Variants in AVL9 observed in about 807,000 individuals in gnomAD.
AVL9 encodes late secretory pathway protein AVL9 homolog.
In AVL9, 49 loss-of-function variants were observed where a neutral mutation model predicts 79.2. The observed-to-expected ratio is 0.62, with a 90% CI of 0.49 to 0.79. The LOEUF (loss-of-function observed/expected upper bound fraction) is 0.79. Among genes scored for constraint, AVL9 ranks in the 30% least tolerant of loss-of-function variants. AVL9 has a pLI of 0.00. For missense variants in AVL9, 682 were observed against 776.8 expected (o/e 0.88, Z 1.45); for synonymous variants, 299 against 280.6 (o/e 1.07, Z -0.65).
At chr7:32,515,387 G>T (rs1267008954) in intron 1 of AVL9, among the ~76,000 whole-genome samples, 1 of 152,202 alleles carries the variant, frequency 6.6e-6, no homozygotes, top group Non-Finnish European at 1.5e-5. Flanking sequence ...ACAATTGGCT[G>T]AGAGCTGGGA....
intron 8 of AVL9, among the ~76,000 whole-genome samples, chr7:32,557,444 C>CT (rs1383579006): frequency 6.6e-6 from 1 of 152,124 alleles, no homozygotes; most frequent in Non-Finnish European, 1.5e-5. Flanking sequence ...ACCTTTGTCT[C>CT]TTTTTTTGTT....
intron 3 of AVL9, 105 bp downstream of exon 3, chr7:32,544,884 T>C: frequency 1.3e-6 from 1 of 767,796 alleles, no homozygotes; most frequent in Non-Finnish European, 2.1e-6. Flanking sequence ...TTGTTTTAGA[T>C]TTTTGTATAC....
At chr7:32,535,293 A>G (rs1788847524) in intron 1 of AVL9, 1 of 152,334 alleles carries the variant, frequency 6.6e-6, no homozygotes, top group South Asian at 2.1e-4. Flanking sequence ...ATCAGCTCCA[A>G]CAGACCAAAC....
At chr7:32,548,145 T>TC (rs1327421254) in intron 3 of AVL9, among the ~76,000 whole-genome samples, 1 of 117,558 alleles carries the variant, frequency 8.5e-6, no homozygotes, top group African/African-American at 3.2e-5. Context: ...TTGTCATCTC[T>TC]TTTTTCTTTT....
chr7:32,521,307 T>C (rs1279868236), intron 1 of AVL9, among the ~76,000 whole-genome samples: 1 of 152,188 alleles, frequency 6.6e-6, no homozygotes, highest in Admixed American at 6.5e-5. Context: ...GTTTGGAACT[T>C]CCTAGAGACT....
rs775077677 is a variant in AVL9 at position 32,559,476 on chromosome 7, T to C, written c.1215+12T>C. ...CCATCTTCACAAAGGTAAAGTGTAA[T>C]ATTTTTTATCGAATTCCTTAAAGAA... On this transcript the variant is annotated intron_variant, in intron 10 of 15. Coordinates refer to ENST00000318709, the MANE Select transcript of AVL9 (RefSeq NM_015060.3). 1 of 1,505,910 alleles carries C rather than the reference T, an allele frequency of 6.6e-7. No individual in the cohort carries two copies. Among genetic ancestry groups the C allele is most frequent in the Non-Finnish European group, 8.9e-7 (1 of 1,127,690 alleles). 93.3% of individuals were successfully genotyped at this position (1,505,910 alleles called of 1,614,324 possible).
intron 1 of AVL9, among the ~76,000 whole-genome samples, chr7:32,505,999 T>A (rs1182867199): frequency 6.6e-6 from 1 of 152,182 alleles, no homozygotes; most frequent in Non-Finnish European, 1.5e-5. Flanking sequence ...AATCTCTGCT[T>A]GTTATGAACT....
intron 1 of AVL9, among the ~76,000 whole-genome samples, chr7:32,502,286 A>G (rs1455735561): frequency 6.6e-6 from 1 of 151,798 alleles, no homozygotes; most frequent in Non-Finnish European, 1.5e-5. Flanking sequence ...CACTGGTCAC[A>G]AAAAAGTGAA....
rs567774011 is a variant in AVL9 at position 32,542,385 on chromosome 7, CAAAAAAA to C, written c.94-741_94-735del. ...TGAAACCCTGTCTCTAGTAAAAATA[CAAAAAAA>C]AAAAAAAAAAAAAATTAGCCGAGCG... On this transcript the variant is annotated intron_variant, in intron 1 of 15. Transcript: ENST00000318709. Among the ~76,000 whole-genome samples the C allele has an allele frequency of 2.6e-4, 24 of 90,598 alleles. 1 individual carries two copies. Among genetic ancestry groups the C allele is most frequent in the South Asian group, 1.6e-3 (5 of 3,046 alleles). 59.4% of individuals were successfully genotyped at this position (90,598 alleles called of 152,430 possible).
chr7:32,563,054 CAA>C (rs1790396689), intron 10 of AVL9, among the ~76,000 whole-genome samples: 1 of 152,226 alleles, frequency 6.6e-6, no homozygotes, highest in Non-Finnish European at 1.5e-5. Context: ...GTTTTTGATA[CAA>C]AGTCTTGTTC....
Position 32,558,973 on chromosome 7 carries a change from C to T in AVL9, c.724C>T (p.Arg242Trp), listed in dbSNP as rs779720657. 1.6e-5 allele frequency: 25 copies of T among 1,611,086 alleles called. No homozygotes were observed. Among genetic ancestry groups the T allele is most frequent in the South Asian group, 4.4e-5 (4 of 90,302 alleles). The change falls in exon 10 of 16, where the codon CGG becomes TGG. Residue 242 changes from arginine to tryptophan, a missense_variant. Arg to Trp is a moderately radical substitution (Grantham distance 101). Transcript: ENST00000318709. ...GLSDCSQYRP[R>W]KSMSEDGGLQ... Reference sequence around the variant, plus strand: ...CAGTGACTGTTCTCAGTATAGACCCCGGAAAAGTATGTCTGAAGATGGTGG... The same window carrying T: ...CAGTGACTGTTCTCAGTATAGACCCTGGAAAAGTATGTCTGAAGATGGTGG...
chr7:32,538,596 G>A (rs905090442), intron 1 of AVL9: 2 of 152,062 alleles, frequency 1.3e-5, no homozygotes, highest in Non-Finnish European at 2.9e-5. Flanking sequence ...AGGAGTATTC[G>A]CTTATCTTCC....
In AVL9 at chr7:32,584,655, G is replaced by A. The variant is rs909105711; in HGVS notation, c.*748G>A. ...GAAGCAGTTTAACATGAATGTGTCT[G>A]TAGGGCAATACTTTCAAAGAAGACC... is the stretch of plus-strand genomic sequence containing the variant. On this transcript the variant is annotated 3_prime_UTR_variant, in exon 16 of 16. Transcript: ENST00000318709. The A allele has an allele frequency of 1.3e-5, 2 of 152,052 alleles. No homozygotes were observed. Among genetic ancestry groups the A allele is most frequent in the African/African-American group, 4.8e-5 (2 of 41,374 alleles). 9.4% of individuals were successfully genotyped at this position (152,052 alleles called of 1,614,324 possible).
At chr7:32,500,134 G>A (rs540086409) in intron 1 of AVL9, among the ~76,000 whole-genome samples, 1 of 152,084 alleles carries the variant, frequency 6.6e-6, no homozygotes, top group Non-Finnish European at 1.5e-5. Flanking sequence ...TGGGTCAAAT[G>A]GTATTTCTGG....
intron 1 of AVL9, among the ~76,000 whole-genome samples, chr7:32,509,353 G>A (rs1787551771): frequency 2.0e-5 from 3 of 152,084 alleles, no homozygotes; most frequent in Admixed American, 2.0e-4. Context: ...TATCTATATA[G>A]CAGGGGCCTT....
At chr7:32,513,333 T>A (rs970683786) in intron 1 of AVL9, among the ~76,000 whole-genome samples, 1 of 152,168 alleles carries the variant, frequency 6.6e-6, no homozygotes, top group African/African-American at 2.4e-5. Flanking sequence ...CTTGCTTCAT[T>A]ATACCCTTCC....
intron 1 of AVL9, among the ~76,000 whole-genome samples, chr7:32,520,313 A>G (rs1369966983): frequency 6.6e-6 from 1 of 152,190 alleles, no homozygotes; most frequent in African/African-American, 2.4e-5. Context: ...AGAAATCTCT[A>G]ATGGATTGTA....
chr7:32,531,562 A>G (rs1379754869), intron 1 of AVL9: 1 of 151,872 alleles, frequency 6.6e-6, no homozygotes, highest in African/African-American at 2.4e-5. Context: ...CCTTTGCGGG[A>G]CTCACAACAG....
rs781469427 is a variant in AVL9 at position 32,570,128 on chromosome 7, A to T, written c.1324A>T (p.Lys442Ter). 6.2e-7 allele frequency: 1 copy of T among 1,614,200 alleles called. No homozygotes were observed. The highest frequency in any genetic ancestry group is 1.1e-5 in the South Asian group (1 of 91,084). ...GATNILFRQQ[K>*]HLSDAIVEVE... ...TACTAACATCCTTTTTCGACAACAG[A>T]AACACCTCAGTGATGCCATTGTGGA... The change falls in exon 11 of 16, where the codon AAA becomes TAA. Residue 442 changes from lysine (K) to a stop codon, truncating the protein, a stop_gained. Coordinates refer to ENST00000318709, the MANE Select transcript of AVL9 (RefSeq NM_015060.3). LOFTEE classifies it high-confidence loss of function.
Sources: gnomAD v4.1 joint callset for allele counts (sites outside exome capture counted in the v4.1 genomes callset) on GRCh38, gnomAD v4.1.1 for gene constraint, MANE v1.5 for transcripts, NCBI Gene and HGNC (gene_info 2026-07-23, HGNC 2026-07-21) for gene names.